The following KAZN variants were observed in gnomAD, a reference collection of about 807,000 sequenced individuals.
KAZN encodes the protein kazrin.
A neutral mutation model predicts 87.4 loss-of-function variants in KAZN; 40 were observed. The observed-to-expected ratio is 0.46, with a 90% confidence interval of 0.36 to 0.60. KAZN has a LOEUF of 0.60. KAZN is among the 20% of genes least tolerant of loss of function. KAZN has a pLI of 0.00. For synonymous variants in KAZN, 466 were observed against 458.3 expected, an observed-to-expected ratio of 1.02 and a Z score of -0.22; for missense variants, 898 against 1,073.9, an observed-to-expected ratio of 0.84 and a Z score of 2.29.
At chr1:14,461,382 G>T (rs551291137) in intron 2 of KAZN, among the ~76,000 whole-genome samples, 1 of 152,122 alleles carries the variant, frequency 6.6e-6, no homozygotes, top group Non-Finnish European at 1.5e-5. Context: ...CACGAGATCT[G>T]ATGCTTTTAT....
At chr1:14,516,745 T>C (rs147683825) in intron 2 of KAZN, among the ~76,000 whole-genome samples, 2 of 152,218 alleles carry the variant, frequency 1.3e-5, no homozygotes, top group African/African-American at 4.8e-5. Flanking sequence ...GGGGGAAAAA[T>C]AAATCAGTCC....
intron 2 of KAZN, among the ~76,000 whole-genome samples, chr1:15,030,615 G>A (rs550651105): frequency 4.6e-5 from 7 of 152,190 alleles, no homozygotes; most frequent in African/African-American, 7.2e-5. Flanking sequence ...CAATGTGGTC[G>A]CATCATGTTA....
intron 4 of KAZN, among the ~76,000 whole-genome samples, chr1:15,047,510 C>T (rs1264133891): frequency 1.3e-5 from 2 of 152,200 alleles, no homozygotes; most frequent in Admixed American, 1.3e-4. Flanking sequence ...GTGTCTCGTG[C>T]CTGTAATCTT....
At chr1:14,673,665 G>A (rs1299959036) in intron 1 of KAZN, among the ~76,000 whole-genome samples, 4 of 152,172 alleles carry the variant, frequency 2.6e-5, no homozygotes, top group African/African-American at 9.6e-5. Flanking sequence ...TGTGGAAACA[G>A]GGAGCTGCAG....
At chr1:13,985,269 A>G (rs1027939437) in intron 1 of KAZN, among the ~76,000 whole-genome samples, 24 of 152,030 alleles carry the variant, frequency 1.6e-4, no homozygotes, top group African/African-American at 5.8e-4. Flanking sequence ...GGTTAGTTAC[A>G]TATGTATACA....
At chr1:14,235,726 C>T (rs745730052) in intron 2 of KAZN, among the ~76,000 whole-genome samples, 1 of 152,176 alleles carries the variant, frequency 6.6e-6, no homozygotes, top group Non-Finnish European at 1.5e-5. Context: ...ATGTCAGTCA[C>T]AGTAAAGTCT....
chr1:14,984,918 A>G (rs1316297068), intron 2 of KAZN, among the ~76,000 whole-genome samples: 1 of 152,144 alleles, frequency 6.6e-6, no homozygotes, highest in Non-Finnish European at 1.5e-5. Context: ...CGGGCAGATC[A>G]CGAGGTCAGG....
intron 2 of KAZN, among the ~76,000 whole-genome samples, chr1:14,465,701 C>A (rs186281478): frequency 6.6e-6 from 1 of 152,122 alleles, no homozygotes; most frequent in Admixed American, 6.5e-5. Context: ...AACTTGGACT[C>A]AACAGGCAGA....
chr1:14,666,003 T>C (rs1205484746), intron 1 of KAZN, among the ~76,000 whole-genome samples: 2 of 151,108 alleles, frequency 1.3e-5, no homozygotes, highest in African/African-American at 4.9e-5. Flanking sequence ...CGGAGATGAG[T>C]TGAGCTGAGA....
chr1:15,013,449 C>T (rs1669778059), intron 2 of KAZN, among the ~76,000 whole-genome samples: 1 of 152,036 alleles, frequency 6.6e-6, no homozygotes, highest in Non-Finnish European at 1.5e-5. Context: ...GGCAATGTGA[C>T]AGTTTTAGAG....
At chr1:14,751,307 A>G (rs1644406875) in intron 1 of KAZN, among the ~76,000 whole-genome samples, 1 of 152,176 alleles carries the variant, frequency 6.6e-6, no homozygotes, top group Admixed American at 6.5e-5. Flanking sequence ...GTGTACTTGC[A>G]TGCTGTTCTG....
chr1:14,335,106 G>GC (rs35092746), intron 2 of KAZN, among the ~76,000 whole-genome samples: 56,688 of 145,920 alleles, frequency 0.39, 11,679 homozygotes, highest in Admixed American at 0.52. Context: ...ATGACTCGGT[G>GC]CCCCCCCCCC....
intron 1 of KAZN, among the ~76,000 whole-genome samples, chr1:14,150,583 G>A (rs750512657): frequency 1.3e-5 from 2 of 152,172 alleles, no homozygotes; most frequent in Non-Finnish European, 2.9e-5. Context: ...GATACAAGAG[G>A]TGTATCCATT....
At chr1:14,321,367 G>A (rs765176585) in intron 2 of KAZN, among the ~76,000 whole-genome samples, 4 of 152,168 alleles carry the variant, frequency 2.6e-5, no homozygotes, top group Non-Finnish European at 5.9e-5. Context: ...AAGTCACTTC[G>A]CCCAGTCTCC....
chr1:14,886,439 C>T (rs199945429), intron 1 of KAZN, among the ~76,000 whole-genome samples: 3 of 44,984 alleles, frequency 6.7e-5, no homozygotes, highest in Non-Finnish European at 2.2e-4. Flanking sequence ...CACACACATA[C>T]ACACACACAC....
chr1:14,745,075 C>A (rs1644222868), intron 1 of KAZN, among the ~76,000 whole-genome samples: 1 of 151,930 alleles, frequency 6.6e-6, no homozygotes, highest in African/African-American at 2.4e-5. Flanking sequence ...TTGCTAGGAC[C>A]ATTGAATCGC....
chr1:15,044,105 C>A lies in KAZN; in HGVS notation c.672C>A (p.Ser224=). Residue 224 remains serine, a synonymous_variant, in exon 4 of 15, where the codon TCC becomes TCA. Coordinates refer to ENST00000376030, the MANE Select transcript of KAZN (RefSeq NM_201628.3). ...EATDHATALR[S]QLDLKDNRMK... ...CAGACCACGCCACGGCACTGCGCTC[C>A]CAGCTGGACCTCAAGGACAACCGGA... 3.1e-6 allele frequency: 5 copies of A among 1,612,208 alleles called. No homozygotes were observed. The highest frequency in any genetic ancestry group is 4.2e-6 in the Non-Finnish European group (5 of 1,179,426).
intron 3 of KAZN, among the ~76,000 whole-genome samples, chr1:15,040,485 A>G (rs10927650): frequency 0.61 from 92,490 of 152,162 alleles, 29,281 homozygotes; most frequent in African/African-American, 0.8. Context: ...GTGGCCGATG[A>G]CCCAGCATGG....
At chr1:14,880,479 T>G (rs1456413149) in intron 1 of KAZN, among the ~76,000 whole-genome samples, 1 of 152,140 alleles carries the variant, frequency 6.6e-6, no homozygotes, top group Non-Finnish European at 1.5e-5. Flanking sequence ...CTCATGGGTT[T>G]TGTGGGTCAG....
Sources: allele counts gnomAD v4.1 joint callset (sites outside exome capture counted in the v4.1 genomes callset), GRCh38; gene constraint gnomAD v4.1.1; transcripts MANE v1.5; gene names NCBI Gene and HGNC (gene_info 2026-07-23, HGNC 2026-07-21).